Variants in TBL1XR1 observed in about 807,000 individuals in gnomAD.
TBL1XR1 encodes F-box-like/WD repeat-containing protein TBL1XR1.
A neutral mutation model predicts 66.9 loss-of-function variants in TBL1XR1; 5 were observed. The observed-to-expected ratio is 0.07, with a 90% CI of 0.04 to 0.16. TBL1XR1 has a LOEUF of 0.16. TBL1XR1 is among the 10% of genes least tolerant of loss of function. The probability of loss-of-function intolerance (pLI) is 1.00; values close to 1 mark genes in which losing one functional copy is unlikely to be tolerated. For synonymous variants in TBL1XR1, 210 were observed against 206.0 expected (o/e 1.02, Z -0.17); for missense variants, 238 against 623.2 (o/e 0.38, Z 6.58).
chr3:177,137,770 G>A (rs376699279), intron 1 of TBL1XR1, among the ~76,000 whole-genome samples: 41 of 152,244 alleles, frequency 2.7e-4, no homozygotes, highest in African/African-American at 9.6e-4. Context: ...AGGAGTTTGA[G>A]AACAGCCTGG....
intron 1 of TBL1XR1, among the ~76,000 whole-genome samples, chr3:177,151,542 C>CG (rs1730889803): frequency 6.6e-6 from 1 of 152,124 alleles, no homozygotes; most frequent in Admixed American, 6.6e-5. Context: ...TGAAACCACC[C>CG]GCCTACCCTC....
chr3:177,061,773 CAATA>C (rs1419493106), intron 3 of TBL1XR1, among the ~76,000 whole-genome samples: 1 of 152,160 alleles, frequency 6.6e-6, no homozygotes, highest in Non-Finnish European at 1.5e-5. Context: ...GACTAATTCT[CAATA>C]AGTATCATTT....
intron 2 of TBL1XR1, among the ~76,000 whole-genome samples, chr3:177,070,180 C>T (rs1250350876): frequency 6.6e-6 from 1 of 152,084 alleles, no homozygotes; most frequent in Admixed American, 6.6e-5. Context: ...TGATTTAAGT[C>T]CAAGAGTCAT....
rs1272822381 is a variant in TBL1XR1, at chr3:177,197,313, C to G, written c.-314G>C. The G allele has an allele frequency of 2.1e-5, 3 of 142,990 alleles. No individual in the cohort carries two copies. The South Asian group carries it at 6.1e-4, about 29-fold the overall frequency. 8.9% of individuals were successfully genotyped at this position (142,990 alleles called of 1,614,324 possible). On this transcript the variant is annotated 5_prime_UTR_variant, in exon 1 of 16. Coordinates refer to ENST00000457928, the MANE Select transcript of TBL1XR1 (RefSeq NM_024665.7). ...GCCGGGCGGGCGGGGGCGGGGAGCG[C>G]GGCGCGGGTCCCCAGGTGGCGAGCG...
intron 1 of TBL1XR1, among the ~76,000 whole-genome samples, chr3:177,181,025 G>C (rs1285208332): frequency 6.6e-6 from 1 of 151,986 alleles, no homozygotes; most frequent in Non-Finnish European, 1.5e-5. Context: ...GTGACCCATG[G>C]CACTGGACCC....
intron 2 of TBL1XR1, among the ~76,000 whole-genome samples, chr3:177,081,173 G>C (rs1390373157): frequency 6.6e-6 from 1 of 152,086 alleles, no homozygotes; most frequent in African/African-American, 2.4e-5. Context: ...CTCCTAATAC[G>C]ACATTCAGAA....
chr3:177,096,483 CAT>C (rs1723507177), intron 2 of TBL1XR1, among the ~76,000 whole-genome samples: 1 of 152,060 alleles, frequency 6.6e-6, no homozygotes, highest in Non-Finnish European at 1.5e-5. Context: ...ATGAGTAACA[CAT>C]AAAAATTTTT....
chr3:177,143,082 G>C (rs905757420), intron 1 of TBL1XR1, among the ~76,000 whole-genome samples: 14 of 151,206 alleles, frequency 9.3e-5, no homozygotes, highest in Admixed American at 4.6e-4. Flanking sequence ...GTATTGCTAA[G>C]TACAAAAAGG....
At chr3:177,114,503 G>A (rs896948283) in intron 1 of TBL1XR1, among the ~76,000 whole-genome samples, 3 of 151,766 alleles carry the variant, frequency 2.0e-5, no homozygotes, top group Non-Finnish European at 4.4e-5. Context: ...CCCTCACACT[G>A]TTGTCCAGGC....
intron 1 of TBL1XR1, chr3:177,193,945 G>GTAA (rs1415931112): frequency 6.6e-6 from 1 of 152,148 alleles, no homozygotes; most frequent in Non-Finnish European, 1.5e-5. Flanking sequence ...CTACCTCATA[G>GTAA]GATTAGCCTA....
At position 177,065,800 on chromosome 3, in the gene TBL1XR1, A is replaced by G. The variant is rs545822910; in HGVS notation, c.-45-778T>C. ...CCATACAGCCTGTTACAATTACTCA[A>G]TTCTGCTGTGTGGTGCAAAAGCAGC... On this transcript the variant is annotated intron_variant, in intron 2 of 15. Transcript: ENST00000457928. 2.6e-5 allele frequency among the ~76,000 whole-genome samples: 4 copies of G among 152,228 alleles called. No homozygotes were observed. In the East Asian group the frequency reaches 5.8e-4, roughly 22 times the overall value.
At chr3:177,180,372 T>TC (rs72342249) in intron 1 of TBL1XR1, among the ~76,000 whole-genome samples, 1,680 of 131,596 alleles carry the variant, frequency 0.013, 21 homozygotes, top group South Asian at 0.023. Context: ...ATACGTTCAT[T>TC]CCCCCCCCCC....
chr3:177,095,571 C>T (rs1209340687), intron 2 of TBL1XR1, among the ~76,000 whole-genome samples: 12 of 151,448 alleles, frequency 7.9e-5, no homozygotes. Context: ...CCTCTGCCTC[C>T]CAGGTTCAAG....
At position 177,021,623 on chromosome 3, in the gene TBL1XR1, C is replaced by G. The variant is rs1416299216; in HGVS notation, c.*3875G>C. ...TACTGGAAGGAGTAATTCATAACTT[C>G]CCTACCCTCCTTCCATCCCTGCTGA... On this transcript the variant is annotated 3_prime_UTR_variant, in exon 16 of 16. Transcript: ENST00000457928. 6.6e-6 allele frequency: 1 copy of G among 152,532 alleles called. No homozygotes were observed. The highest frequency in any genetic ancestry group is 1.5e-5 in the Non-Finnish European group (1 of 67,986). The allele number at this position is 152,532 out of a possible 1,614,324, so 9.4% of individuals were successfully genotyped here.
chr3:177,106,500 G>A (rs1437951105), intron 1 of TBL1XR1, among the ~76,000 whole-genome samples: 7 of 152,176 alleles, frequency 4.6e-5, no homozygotes, highest in South Asian at 4.1e-4. Flanking sequence ...AGGAAGCCAC[G>A]TGGTATCGGA....
chr3:177,197,272 G>T lies in TBL1XR1; in HGVS notation c.-273C>A. The T allele has an allele frequency of 1.3e-5, 2 of 151,070 alleles. No homozygotes were observed. Among genetic ancestry groups the T allele is most frequent in the South Asian group, 3.6e-4 (2 of 5,528 alleles). 9.4% of individuals were successfully genotyped at this position (151,070 alleles called of 1,614,324 possible). A position where few individuals can be genotyped will look rare whatever the true frequency, so the allele number is the denominator to read the frequency against. ...GCAATTATAACCCCAGCGAGCGGAGGGCGCGGGGGATGGGCGCCGGGCGGG... is the reference window on the plus strand; with the variant it reads ...GCAATTATAACCCCAGCGAGCGGAGTGCGCGGGGGATGGGCGCCGGGCGGG... On this transcript the variant is annotated 5_prime_UTR_variant, in exon 1 of 16. Transcript: ENST00000457928.
chr3:177,118,325 C>G (rs1726561150), intron 1 of TBL1XR1, among the ~76,000 whole-genome samples: 1 of 152,200 alleles, frequency 6.6e-6, no homozygotes, highest in African/African-American at 2.4e-5. Flanking sequence ...AACTATACGT[C>G]TTTCATGCCC....
chr3:177,022,065 C>T lies in TBL1XR1; in HGVS notation c.*3433G>A, dbSNP rs1560086025. 2 of 152,470 alleles carry T rather than the reference C, an allele frequency of 1.3e-5. No homozygotes were observed. The highest frequency in any genetic ancestry group is 4.1e-4 in the South Asian group (2 of 4,828). The allele number at this position is 152,470 out of a possible 1,614,324, so 9.4% of individuals were successfully genotyped here. ...TCTTAACAAAATCATTCTACATAAA[C>T]AGATAGCTCCTTAAAAATAGTACTC... is the stretch of plus-strand genomic sequence containing the variant. On this transcript the variant is annotated 3_prime_UTR_variant, in exon 16 of 16. Coordinates refer to ENST00000457928, the MANE Select transcript of TBL1XR1 (RefSeq NM_024665.7).
chr3:177,179,714 T>A (rs1343445202), intron 1 of TBL1XR1, among the ~76,000 whole-genome samples: 1 of 152,222 alleles, frequency 6.6e-6, no homozygotes, highest in East Asian at 1.9e-4. Flanking sequence ...AGCATGCTGT[T>A]ATGGTTCCTG....
Sources: allele counts gnomAD v4.1 joint callset (sites outside exome capture counted in the v4.1 genomes callset), GRCh38; gene constraint gnomAD v4.1.1; transcripts MANE v1.5; gene names NCBI Gene and HGNC (gene_info 2026-07-23, HGNC 2026-07-21).